CNTN5: variants seen among roughly 807,000 people sequenced by gnomAD.
CNTN5 encodes the protein contactin-5.
Under a neutral mutation model 129.1 loss-of-function variants are expected in CNTN5, and 77 were observed. That is an observed-to-expected ratio of 0.60 (90% CI 0.50 to 0.72). The LOEUF is 0.72. CNTN5 is among the 30% of genes least tolerant of loss of function. The pLI is 0.00. For missense variants in CNTN5, 1,478 were observed against 1,328.8 expected (o/e 1.11, Z -1.75); for synonymous variants, 509 against 465.6 (o/e 1.09, Z -1.20).
chr11:99,312,652 C>G (rs1047188163), intron 1 of CNTN5, among the ~76,000 whole-genome samples: 3 of 152,044 alleles, frequency 2.0e-5, no homozygotes, highest in African/African-American at 7.2e-5. Flanking sequence ...CTCTGTTCTG[C>G]ATAGGATTGC....
intron 3 of CNTN5, among the ~76,000 whole-genome samples, chr11:99,783,946 T>G (rs991174313): frequency 6.6e-6 from 1 of 151,744 alleles, no homozygotes; most frequent in East Asian, 2.0e-4. Flanking sequence ...AATGTGCACA[T>G]GTACCCTAAA....
intron 1 of CNTN5, among the ~76,000 whole-genome samples, chr11:99,171,270 C>T (rs994697980): frequency 1.3e-5 from 2 of 152,072 alleles, no homozygotes; most frequent in Admixed American, 6.5e-5. Context: ...ACTACTAGAC[C>T]ACACACAAAA....
At chr11:99,534,151 A>G (rs1947815146) in intron 2 of CNTN5, among the ~76,000 whole-genome samples, 1 of 152,250 alleles carries the variant, frequency 6.6e-6, no homozygotes, top group Non-Finnish European at 1.5e-5. Context: ...GTTGAGACCC[A>G]TTAAATGAGA....
At chr11:99,611,721 A>T (rs1489122838) in intron 3 of CNTN5, among the ~76,000 whole-genome samples, 3 of 152,196 alleles carry the variant, frequency 2.0e-5, no homozygotes, top group Non-Finnish European at 4.4e-5. Context: ...TTCACTACAA[A>T]GGTATAATAT....
intron 4 of CNTN5, among the ~76,000 whole-genome samples, chr11:99,841,723 TAGTAGTA>T (rs1368121661): frequency 6.7e-6 from 1 of 149,704 alleles, no homozygotes; most frequent in African/African-American, 2.4e-5. Context: ...ATAGTCATGG[TAGTAGTA>T]AGCAGTTTCA....
At chr11:99,925,239 T>C (rs1255218410) in intron 7 of CNTN5, among the ~76,000 whole-genome samples, 1 of 152,180 alleles carries the variant, frequency 6.6e-6, no homozygotes, top group African/African-American at 2.4e-5. Flanking sequence ...AAAATCATAA[T>C]AATCAGTTAA....
chr11:99,661,220 C>T lies in CNTN5; in HGVS notation c.55+104951C>T, dbSNP rs1952581451. ...ATACTTAAATTAGGTCTGATAACAA[C>T]ATTTATATGTGCTCATCTACAGCAC... On this transcript the variant is annotated intron_variant, in intron 3 of 24. Transcript: ENST00000524871. 2.0e-5 allele frequency among the ~76,000 whole-genome samples: 3 copies of T among 152,232 alleles called. No individual in the cohort carries two copies. In the South Asian group the frequency reaches 6.2e-4, roughly 32 times the overall value.
intron 15 of CNTN5, among the ~76,000 whole-genome samples, chr11:100,212,749 A>G (rs989171247): frequency 1.3e-5 from 2 of 152,136 alleles, no homozygotes; most frequent in African/African-American, 4.8e-5. Context: ...ATATTCAAAA[A>G]GTAAAATCTC....
intron 13 of CNTN5, among the ~76,000 whole-genome samples, chr11:100,174,013 C>T (rs115426675): frequency 1.6e-4 from 24 of 152,172 alleles, no homozygotes; most frequent in African/African-American, 5.5e-4. Flanking sequence ...AAGAGAAGAG[C>T]AATAAATCAG....
intron 2 of CNTN5, among the ~76,000 whole-genome samples, chr11:99,459,221 T>C (rs1944601919): frequency 6.6e-6 from 1 of 151,852 alleles, no homozygotes; most frequent in Admixed American, 6.6e-5. Flanking sequence ...GCAAAGAAGA[T>C]GGAAACAATT....
chr11:99,313,422 C>T (rs1865201679), intron 1 of CNTN5, among the ~76,000 whole-genome samples: 1 of 152,142 alleles, frequency 6.6e-6, no homozygotes, highest in African/African-American at 2.4e-5. Context: ...CATCCACTAA[C>T]TTATTCTAGA....
intron 9 of CNTN5, among the ~76,000 whole-genome samples, chr11:100,003,582 T>C (rs1940008480): frequency 6.6e-6 from 1 of 152,168 alleles, no homozygotes; most frequent in African/African-American, 2.4e-5. Context: ...ACTAGACTTA[T>C]AGGAAAAAAC....
chr11:99,032,229 G>C (rs1478007524), intron 1 of CNTN5, among the ~76,000 whole-genome samples: 2 of 151,944 alleles, frequency 1.3e-5, no homozygotes, highest in Non-Finnish European at 2.9e-5. Flanking sequence ...ATAAGCATAC[G>C]TGTGCATGTG....
chr11:100,288,698 A>C (rs1380842520), intron 18 of CNTN5, among the ~76,000 whole-genome samples: 1 of 151,678 alleles, frequency 6.6e-6, no homozygotes, highest in Non-Finnish European at 1.5e-5. Flanking sequence ...AATTAAAAGA[A>C]CTAGAAAAGC....
At chr11:99,492,100 A>C (rs1032619201) in intron 2 of CNTN5, among the ~76,000 whole-genome samples, 2 of 152,150 alleles carry the variant, frequency 1.3e-5, no homozygotes, top group Admixed American at 1.3e-4. Context: ...GAGGGGAGCC[A>C]TCTGTTGGGT....
At chr11:99,428,492 G>A (rs978705452) in intron 2 of CNTN5, among the ~76,000 whole-genome samples, 1 of 150,206 alleles carries the variant, frequency 6.7e-6, no homozygotes, top group Non-Finnish European at 1.5e-5. Context: ...CTTGGGAGGA[G>A]GAGGCTTTGG....
intron 1 of CNTN5, among the ~76,000 whole-genome samples, chr11:99,205,275 C>T (rs1307514244): frequency 6.6e-6 from 1 of 152,050 alleles, no homozygotes. Flanking sequence ...TTTAGCAAAT[C>T]ATATTTCTCA....
intron 24 of CNTN5, among the ~76,000 whole-genome samples, chr11:100,353,758 C>CTGT (rs1591537855): frequency 6.6e-6 from 1 of 151,552 alleles, no homozygotes; most frequent in East Asian, 1.9e-4. Context: ...AGTGTATTAG[C>CTGT]TGTAAAATTT....
chr11:100,087,967 A>T (rs1944619613), intron 13 of CNTN5, among the ~76,000 whole-genome samples: 1 of 151,962 alleles, frequency 6.6e-6, no homozygotes, highest in African/African-American at 2.4e-5. Flanking sequence ...TCTCAAAATT[A>T]CTCAATTACA....
Sources: allele counts gnomAD v4.1 joint callset (sites outside exome capture counted in the v4.1 genomes callset), GRCh38; gene constraint gnomAD v4.1.1; transcripts MANE v1.5; gene names NCBI Gene and HGNC (gene_info 2026-07-23, HGNC 2026-07-21).